The following DAB1 variants were observed in gnomAD, a reference collection of about 807,000 sequenced individuals.
DAB1 encodes disabled homolog 1.
Under a neutral mutation model 64.6 loss-of-function variants are expected in DAB1, and 15 were observed. The ratio of observed to expected loss-of-function variants is 0.23; its 90% CI spans 0.16 to 0.36. The LOEUF (loss-of-function observed/expected upper bound fraction) is 0.36, where lower values mean the gene tolerates loss of function less well. Among genes scored for constraint, DAB1 ranks in the 10% least tolerant of loss-of-function variants. DAB1 has a pLI of 1.00. For missense variants in DAB1, 596 were observed against 706.7 expected, an observed-to-expected ratio of 0.84 and a Z score of 1.78; for synonymous variants, 235 against 251.9, an observed-to-expected ratio of 0.93 and a Z score of 0.64.
chr1:57,018,626 A>T (rs1011011696), intron 11 of DAB1, among the ~76,000 whole-genome samples: 14 of 152,116 alleles, frequency 9.2e-5, no homozygotes, highest in African/African-American at 3.4e-4. Flanking sequence ...ATCACCCAAG[A>T]CCTGATGCCC....
At chr1:58,264,619 C>G (rs1661120907) in intron 4 of DAB1, among the ~76,000 whole-genome samples, 1 of 152,216 alleles carries the variant, frequency 6.6e-6, no homozygotes, top group Admixed American at 6.5e-5. Flanking sequence ...CCAAGGACAT[C>G]AAGCTTGCCT....
At chr1:57,820,167 C>T (rs765440790) in intron 6 of DAB1, among the ~76,000 whole-genome samples, 3 of 152,174 alleles carry the variant, frequency 2.0e-5, no homozygotes, top group East Asian at 1.9e-4. Context: ...ACATGATGCT[C>T]GGGCCCAAAG....
intron 3 of DAB1, among the ~76,000 whole-genome samples, chr1:58,396,227 G>T (rs1393613562): frequency 6.6e-6 from 1 of 152,082 alleles, no homozygotes; most frequent in Non-Finnish European, 1.5e-5. Flanking sequence ...TTTGAGGCTG[G>T]TCAAGAGGCC....
At chr1:57,475,420 G>A (rs563300065) in intron 7 of DAB1, among the ~76,000 whole-genome samples, 17 of 152,332 alleles carry the variant, frequency 1.1e-4, no homozygotes, top group Middle Eastern at 3.4e-3. Context: ...GATAGAAAGG[G>A]CTTAACACAG....
intron 3 of DAB1, among the ~76,000 whole-genome samples, chr1:58,447,401 A>G (rs1645079892): frequency 8.8e-6 from 1 of 114,038 alleles, no homozygotes; most frequent in Non-Finnish European, 2.1e-5. Flanking sequence ...CAGAAAGGAC[A>G]CAAAGATAAA....
At chr1:57,277,094 ATGAC>A (rs1195094280) in intron 2 of DAB1, among the ~76,000 whole-genome samples, 1 of 152,218 alleles carries the variant, frequency 6.6e-6, no homozygotes, top group Non-Finnish European at 1.5e-5. Context: ...TTGATCACCT[ATGAC>A]GTGCTAAAGT....
intron 4 of DAB1, among the ~76,000 whole-genome samples, chr1:58,169,131 G>A (rs1162166781): frequency 1.3e-5 from 2 of 152,212 alleles, no homozygotes; most frequent in Non-Finnish European, 2.9e-5. Context: ...AGGTGTTTCT[G>A]CTGCTGTGTC....
At chr1:57,874,209 G>A (rs1020146378) in intron 1 of DAB1, 1 of 152,208 alleles carries the variant, frequency 6.6e-6, no homozygotes, top group Admixed American at 6.6e-5. Context: ...AAAGAGAGAT[G>A]ATAAAGAAGG....
At position 57,974,487 on chromosome 1, in the gene DAB1, G is replaced by A. The variant is rs1158225290; in HGVS notation, n.388-90325C>T. 3.1e-4 allele frequency among the ~76,000 whole-genome samples: 47 copies of A among 151,738 alleles called. 1 individual carries two copies. Among genetic ancestry groups the A allele is most frequent in the Admixed American group, 3.0e-3 (46 of 15,216 alleles). On this transcript the variant is annotated intron_variant and non_coding_transcript_variant, in intron 5 of 20. Transcript: ENST00000485760. ...ATGGCTCTCAACTTTGGTTTAGAATGTTATATATATATAGATATATAGATA... is the reference window on the plus strand; with the variant it reads ...ATGGCTCTCAACTTTGGTTTAGAATATTATATATATATAGATATATAGATA...
At chr1:57,924,626 A>AATTTTTTTTTT (rs1553143934) in intron 5 of DAB1, among the ~76,000 whole-genome samples, 2 of 131,806 alleles carry the variant, frequency 1.5e-5, no homozygotes, top group Admixed American at 7.7e-5. Context: ...CACTTGGCTA[A>AATTTTTTTTTT]TTTTTTTTTT....
At chr1:58,248,067 A>G (rs1660631650) in intron 4 of DAB1, among the ~76,000 whole-genome samples, 1 of 151,774 alleles carries the variant, frequency 6.6e-6, no homozygotes, top group Admixed American at 6.6e-5. Context: ...CTGTAAGGCA[A>G]CTAGCTGAGT....
chr1:57,681,111 GCCT>G (rs1291317158), intron 6 of DAB1, among the ~76,000 whole-genome samples: 1 of 152,194 alleles, frequency 6.6e-6, no homozygotes, highest in Non-Finnish European at 1.5e-5. Context: ...GTATCATACT[GCCT>G]CTGAACTTTG....
intron 1 of DAB1, among the ~76,000 whole-genome samples, chr1:58,531,747 T>C (rs1409498664): frequency 6.6e-6 from 1 of 152,146 alleles, no homozygotes; most frequent in African/African-American, 2.4e-5. Context: ...TCTTGCCCTG[T>C]TGCCCAAGCT....
intron 2 of DAB1, among the ~76,000 whole-genome samples, chr1:57,228,895 T>C (rs1435934090): frequency 6.6e-6 from 1 of 152,196 alleles, no homozygotes; most frequent in Non-Finnish European, 1.5e-5. Context: ...AGCAGTTGAA[T>C]AAACTACTTA....
chr1:58,219,530 A>G (rs1659046415), intron 4 of DAB1, among the ~76,000 whole-genome samples: 1 of 152,132 alleles, frequency 6.6e-6, no homozygotes, highest in East Asian at 1.9e-4. Flanking sequence ...CTTGCTGGCC[A>G]CTTTCCAGTT....
chr1:57,357,853 TCCCCA>T (rs1313921109), intron 1 of DAB1, among the ~76,000 whole-genome samples: 1 of 151,746 alleles, frequency 6.6e-6, no homozygotes, highest in African/African-American at 2.4e-5. Context: ...GGGGTAACCA[TCCCCA>T]TGATTCAATT....
intron 4 of DAB1, among the ~76,000 whole-genome samples, chr1:58,152,234 A>C (rs1012823183): frequency 2.0e-5 from 3 of 152,086 alleles, no homozygotes; most frequent in Admixed American, 2.0e-4. Flanking sequence ...CCCATTCTAC[A>C]AGCTGGAATT....
intron 1 of DAB1, among the ~76,000 whole-genome samples, chr1:57,364,866 T>G (rs185739880): frequency 0.011 from 1,642 of 148,466 alleles, 33 homozygotes; most frequent in African/African-American, 0.034. Flanking sequence ...TATATATATA[T>G]ATATAGAGAG....
intron 6 of DAB1, among the ~76,000 whole-genome samples, chr1:57,695,404 GAAAGAAAGA>G (rs1646830251): frequency 3.6e-5 from 4 of 109,916 alleles, no homozygotes; most frequent in African/African-American, 1.1e-4. Flanking sequence ...AAGAAAGAAA[GAAAGAAAGA>G]AAGAAAGAAA....
Sources: allele counts gnomAD v4.1 joint callset (sites outside exome capture counted in the v4.1 genomes callset), GRCh38; gene constraint gnomAD v4.1.1; transcripts MANE v1.5; gene names NCBI Gene and HGNC (gene_info 2026-07-23, HGNC 2026-07-21).